Variants in C8orf34 observed in about 807,000 individuals in gnomAD.
The protein encoded by C8orf34 is chromosome 8 open reading frame 34.
A neutral mutation model predicts 68.3 loss-of-function variants in C8orf34; 65 were observed. The ratio of observed to expected loss-of-function variants is 0.95; its 90% confidence interval spans 0.78 to 1.17. C8orf34 has a LOEUF of 1.17. Ranked by LOEUF, C8orf34 falls within the 50% of genes most tolerant of loss-of-function variation. C8orf34 has a pLI of 0.00. For missense variants in C8orf34, 664 were observed against 655.4 expected (o/e 1.01, Z -0.14); for synonymous variants, 244 against 241.2 (o/e 1.01, Z -0.11).
intron 11 of C8orf34, among the ~76,000 whole-genome samples, chr8:68,783,523 CAAAAAAA>C (rs775189886): frequency 1.0e-3 from 54 of 53,752 alleles, no homozygotes; most frequent in African/African-American, 3.7e-3. Context: ...GACTTCATCT[CAAAAAAA>C]AAAAAAAAAA....
intron 1 of C8orf34, among the ~76,000 whole-genome samples, chr8:68,433,295 A>G (rs918302679): frequency 2.0e-5 from 3 of 152,190 alleles, no homozygotes; most frequent in Admixed American, 1.3e-4. Flanking sequence ...TCTACAGCTG[A>G]TAACATGCCA....
chr8:68,649,778 G>C (rs1365410395), intron 8 of C8orf34, among the ~76,000 whole-genome samples: 2 of 152,178 alleles, frequency 1.3e-5, no homozygotes, highest in East Asian at 1.9e-4. Flanking sequence ...ACATGACAAA[G>C]AGCTGGTGCT....
In C8orf34 at chr8:68,621,614, T is replaced by C. The variant is rs181073262; in HGVS notation, c.1106-18762T>C. ...GTCAGTCTTTAATTCATAATTTTGC[T>C]TGCCATTTTATAACTAGGAAAAATA... On this transcript the variant is annotated intron_variant, in intron 7 of 13. Transcript: ENST00000518698. Among the ~76,000 whole-genome samples the C allele has an allele frequency of 1.4e-4, 21 of 152,356 alleles. No individual in the cohort carries two copies. In the East Asian group the frequency reaches 3.5e-3, roughly 25 times the overall value.
At chr8:68,618,228 C>T (rs1296754622) in intron 7 of C8orf34, among the ~76,000 whole-genome samples, 3 of 152,076 alleles carry the variant, frequency 2.0e-5, no homozygotes, top group African/African-American at 7.2e-5. Context: ...GACATAAATA[C>T]TTAAGGCCTT....
intron 1 of C8orf34, among the ~76,000 whole-genome samples, chr8:68,433,567 A>G (rs1032199634): frequency 2.0e-5 from 3 of 152,164 alleles, no homozygotes; most frequent in African/African-American, 7.2e-5. Flanking sequence ...CAAGTCACAA[A>G]TTTTTAGGCA....
chr8:68,578,219 G>T (rs1212128199), intron 7 of C8orf34, among the ~76,000 whole-genome samples: 2 of 151,876 alleles, frequency 1.3e-5, no homozygotes, highest in African/African-American at 4.8e-5. Context: ...AAGAAACATG[G>T]AATTTGATGT....
chr8:68,409,385 A>G (rs1586075726), intron 1 of C8orf34, among the ~76,000 whole-genome samples: 1 of 152,280 alleles, frequency 6.6e-6, no homozygotes, highest in Non-Finnish European at 1.5e-5. Flanking sequence ...AGTGATATTG[A>G]TGATCCTGAC....
intron 4 of C8orf34, among the ~76,000 whole-genome samples, chr8:68,484,405 T>C (rs1368039904): frequency 1.3e-5 from 2 of 152,164 alleles, no homozygotes; most frequent in East Asian, 3.9e-4. Flanking sequence ...GATATTTCCT[T>C]TAAGCTCTAG....
chr8:68,534,408 A>G, intron 7 of C8orf34: 1 of 864,034 alleles, frequency 1.2e-6, no homozygotes, highest in Non-Finnish European at 1.4e-6. Flanking sequence ...GGGTCTGGGA[A>G]CATAAAAATA....
At chr8:68,390,729 A>G (rs530846946) in intron 1 of C8orf34, among the ~76,000 whole-genome samples, 4 of 152,268 alleles carry the variant, frequency 2.6e-5, no homozygotes, top group East Asian at 3.9e-4. Context: ...GATGAAGGTT[A>G]CCTTTGAGGG....
At chr8:68,621,291 C>T (rs776165795) in intron 7 of C8orf34, among the ~76,000 whole-genome samples, 5 of 152,054 alleles carry the variant, frequency 3.3e-5, no homozygotes, top group Non-Finnish European at 7.4e-5. Flanking sequence ...TACAAGCTGA[C>T]TCCACTTTTT....
chr8:68,456,558 A>T (rs1178081313), intron 3 of C8orf34, among the ~76,000 whole-genome samples: 1 of 152,232 alleles, frequency 6.6e-6, no homozygotes, highest in Admixed American at 6.5e-5. Flanking sequence ...ATGTAATATT[A>T]ATTTAGAAAT....
chr8:68,707,467 A>G (rs1821199637), intron 8 of C8orf34, among the ~76,000 whole-genome samples: 1 of 152,212 alleles, frequency 6.6e-6, no homozygotes, highest in Non-Finnish European at 1.5e-5. Flanking sequence ...GCTAAATAAA[A>G]CAAAAGTTTT....
intron 7 of C8orf34, among the ~76,000 whole-genome samples, chr8:68,588,968 G>T (rs764768224): frequency 2.6e-5 from 4 of 152,120 alleles, no homozygotes; most frequent in Non-Finnish European, 5.9e-5. Context: ...GTAAATGAGT[G>T]GGTGTGAATG....
intron 8 of C8orf34, among the ~76,000 whole-genome samples, chr8:68,705,892 T>A (rs1175045134): frequency 6.6e-6 from 1 of 152,194 alleles, no homozygotes; most frequent in Non-Finnish European, 1.5e-5. Flanking sequence ...ATGGATAGTC[T>A]CAGCCTTACA....
intron 5 of C8orf34, among the ~76,000 whole-genome samples, chr8:68,512,004 T>C (rs1010868794): frequency 1.3e-5 from 2 of 152,240 alleles, no homozygotes; most frequent in Admixed American, 1.3e-4. Flanking sequence ...TTTTTTTCTT[T>C]ATTCAAATGT....
chr8:68,375,590 A>G (rs1027418035), intron 1 of C8orf34, among the ~76,000 whole-genome samples: 11 of 152,226 alleles, frequency 7.2e-5, no homozygotes, highest in East Asian at 5.8e-4. Flanking sequence ...GAAAAAAGCA[A>G]TGGCATGAGC....
intron 1 of C8orf34, among the ~76,000 whole-genome samples, chr8:68,427,163 T>C (rs1810263141): frequency 6.6e-6 from 1 of 152,164 alleles, no homozygotes; most frequent in Non-Finnish European, 1.5e-5. Context: ...CCCTAACATG[T>C]AATGCAGTAA....
At chr8:68,553,003 T>C (rs1816125610) in intron 7 of C8orf34, among the ~76,000 whole-genome samples, 1 of 152,144 alleles carries the variant, frequency 6.6e-6, no homozygotes, top group Non-Finnish European at 1.5e-5. Context: ...CTATAAGAGA[T>C]ATTGTTGTTT....
Sources: gnomAD v4.1 joint callset for allele counts (sites outside exome capture counted in the v4.1 genomes callset) on GRCh38, gnomAD v4.1.1 for gene constraint, MANE v1.5 for transcripts, NCBI Gene and HGNC (gene_info 2026-07-23, HGNC 2026-07-21) for gene names.